GRIP1: variants seen among roughly 807,000 people sequenced by gnomAD.
GRIP1 encodes glutamate receptor-interacting protein 1.
GRIP1 carries 45 observed loss-of-function variants against 129.9 expected under a neutral mutation model. The observed-to-expected ratio is 0.35, with a 90% CI of 0.27 to 0.44. The LOEUF is 0.44. Ranked by LOEUF, GRIP1 falls within the 20% of genes least tolerant of loss-of-function variation. The pLI, the probability that GRIP1 is intolerant of heterozygous loss-of-function variation, is 1.00. For missense variants in GRIP1, 1,196 were observed against 1,396.8 expected (o/e 0.86, Z 2.29); for synonymous variants, 530 against 520.8 (o/e 1.02, Z -0.24).
chr12:66,827,964 G>A (rs1429518594), intron 1 of GRIP1, among the ~76,000 whole-genome samples: 2 of 152,134 alleles, frequency 1.3e-5, no homozygotes, highest in African/African-American at 2.4e-5. Context: ...AAGAAAGTAC[G>A]ACACTGTCTT....
rs528129832 is a variant in GRIP1 at position 66,774,417 on chromosome 12, T to C, written c.-420+29636A>G. The stretch of plus-strand genomic sequence containing the variant: ...TGAATGTGACACAACTGAATTAATG[T>C]GTTAAGAAGTGACTTAATGAAGATT... On this transcript the variant is annotated intron_variant, in intron 1 of 4. Coordinates refer to the GRIP1 transcript ENST00000538373. Among the ~76,000 whole-genome samples the C allele has an allele frequency of 3.3e-5, 5 of 152,348 alleles. No homozygotes were observed. In the East Asian group the frequency reaches 9.6e-4, roughly 29 times the overall value.
At chr12:66,837,992 G>A (rs867979212) in intron 1 of GRIP1, among the ~76,000 whole-genome samples, 7 of 152,114 alleles carry the variant, frequency 4.6e-5, no homozygotes, top group East Asian at 1.9e-4. Context: ...TCAGGAGTTC[G>A]CGACCAGTGT....
intron 15 of GRIP1, among the ~76,000 whole-genome samples, chr12:66,410,206 C>T (rs192533647): frequency 0.017 from 2,293 of 132,478 alleles, 76 homozygotes; most frequent in East Asian, 0.11. Flanking sequence ...GCCGAGATCC[C>T]GCCACTGCAC....
chr12:66,467,187 T>C (rs990199030), intron 7 of GRIP1, among the ~76,000 whole-genome samples: 1 of 152,174 alleles, frequency 6.6e-6, no homozygotes, highest in African/African-American at 2.4e-5. Flanking sequence ...ATTAATAATA[T>C]CTGCAAGGAG....
rs906383608 is a variant in GRIP1 at position 67,009,351 on chromosome 12, C to G, written c.58+59699G>C. Among the ~76,000 whole-genome samples the G allele has an allele frequency of 3.3e-5, 5 of 152,252 alleles. No homozygotes were observed. The East Asian group carries it at 9.6e-4, about 29-fold the overall frequency. ...AACATGGAGGAAGATGCTTATCTTT[C>G]GATTAACTTTGACAGGAGGCCACGC... On this transcript the variant is annotated intron_variant, in intron 1 of 1. Coordinates refer to the GRIP1 transcript ENST00000643019.
intron 23 of GRIP1, among the ~76,000 whole-genome samples, chr12:66,369,834 C>T (rs1318428330): frequency 6.6e-6 from 1 of 152,210 alleles, no homozygotes; most frequent in African/African-American, 2.4e-5. Flanking sequence ...GGACTTCTTA[C>T]AGCCTAATGG....
At chr12:66,714,894 T>C (rs960577412) in intron 1 of GRIP1, among the ~76,000 whole-genome samples, 2 of 146,284 alleles carry the variant, frequency 1.4e-5, no homozygotes. Flanking sequence ...CACCCATCCA[T>C]CCATCCATCC....
intron 1 of GRIP1, among the ~76,000 whole-genome samples, chr12:66,974,708 T>C (rs1437137281): frequency 5.3e-5 from 8 of 152,240 alleles, no homozygotes; most frequent in African/African-American, 1.7e-4. Flanking sequence ...AAATGTTTGC[T>C]ATTATTGATT....
intron 1 of GRIP1, among the ~76,000 whole-genome samples, chr12:66,960,691 T>G (rs1486202790): frequency 6.6e-6 from 1 of 152,104 alleles, no homozygotes; most frequent in Non-Finnish European, 1.5e-5. Context: ...GACAATGTCT[T>G]CAGACATTTT....
At chr12:66,725,559 C>A (rs1442627857) in intron 1 of GRIP1, among the ~76,000 whole-genome samples, 1 of 151,950 alleles carries the variant, frequency 6.6e-6, no homozygotes, top group Non-Finnish European at 1.5e-5. Flanking sequence ...TTATGAATAT[C>A]TTTTAAAATC....
chr12:66,363,829 G>A (rs1316104272), intron 23 of GRIP1, among the ~76,000 whole-genome samples: 1 of 152,156 alleles, frequency 6.6e-6, no homozygotes, highest in African/African-American at 2.4e-5. Context: ...ACTAGAGGCT[G>A]GGGTAAAGAG....
intron 7 of GRIP1, among the ~76,000 whole-genome samples, chr12:66,475,768 C>T (rs2059587706): frequency 6.6e-6 from 1 of 152,146 alleles, no homozygotes; most frequent in Admixed American, 6.5e-5. Flanking sequence ...TAAAGATGTT[C>T]TTTGAAACCA....
chr12:66,719,564 C>G (rs1216903157), intron 1 of GRIP1, among the ~76,000 whole-genome samples: 1 of 152,070 alleles, frequency 6.6e-6, no homozygotes, highest in African/African-American at 2.4e-5. Flanking sequence ...CTCAAAAGTA[C>G]CTTATAACTC....
chr12:66,524,348 CA>C (rs1459035867), intron 5 of GRIP1, among the ~76,000 whole-genome samples: 1 of 152,196 alleles, frequency 6.6e-6, no homozygotes, highest in East Asian at 1.9e-4. Context: ...ACAGTGCAAT[CA>C]AACTAGAACT....
At chr12:66,958,315 T>A (rs987458770) in intron 1 of GRIP1, among the ~76,000 whole-genome samples, 1 of 152,132 alleles carries the variant, frequency 6.6e-6, no homozygotes, top group Non-Finnish European at 1.5e-5. Context: ...AATTTTTTTA[T>A]AGAGATGGAA....
intron 13 of GRIP1, among the ~76,000 whole-genome samples, chr12:66,441,974 T>C (rs148347121): frequency 3.0e-4 from 46 of 152,262 alleles, no homozygotes; most frequent in African/African-American, 1.1e-3. Flanking sequence ...AATTCCACTA[T>C]CTGTCTCCAA....
intron 1 of GRIP1, among the ~76,000 whole-genome samples, chr12:66,930,263 C>A (rs1367331659): frequency 8.6e-6 from 1 of 115,810 alleles, no homozygotes; most frequent in Non-Finnish European, 1.8e-5. Context: ...CCCCTCCCCC[C>A]ACCCCACAAC....
At position 66,889,905 on chromosome 12, in the gene GRIP1, G is replaced by A. The variant is rs1394962546; in HGVS notation, c.58+179145C>T. On this transcript the variant is annotated intron_variant, in intron 1 of 1. Coordinates refer to the GRIP1 transcript ENST00000643019. ...GATTAAATTTCATAGAGAGGTAAAC[G>A]GAGGCTCAGCTACTGTTTTTTTTTG... Among the ~76,000 whole-genome samples, 4 of 151,914 alleles carry A rather than the reference G, an allele frequency of 2.6e-5. 1 individual carries two copies. In the South Asian group the frequency reaches 6.2e-4, roughly 24 times the overall value.
At chr12:66,921,437 A>G (rs1215724933) in intron 1 of GRIP1, among the ~76,000 whole-genome samples, 2 of 152,302 alleles carry the variant, frequency 1.3e-5, no homozygotes, top group East Asian at 3.9e-4. Flanking sequence ...CAGACTCTTG[A>G]GCAATTTCTT....
Sources: allele counts gnomAD v4.1 joint callset (sites outside exome capture counted in the v4.1 genomes callset), GRCh38; gene constraint gnomAD v4.1.1; transcripts MANE v1.5; gene names NCBI Gene and HGNC (gene_info 2026-07-23, HGNC 2026-07-21).